ODR4: variants seen among roughly 807,000 people sequenced by gnomAD.
The protein encoded by ODR4 is protein odr-4 homolog.
A neutral mutation model predicts 60.2 loss-of-function variants in ODR4; 47 were observed. The observed-to-expected ratio is 0.78, with a 90% confidence interval of 0.62 to 1.00. The LOEUF (loss-of-function observed/expected upper bound fraction) is 1.00, where lower values mean the gene tolerates loss of function less well. ODR4 is among the 50% of genes least tolerant of loss of function. The pLI is 0.00. For synonymous variants in ODR4, 178 were observed against 175.5 expected (o/e 1.01, Z -0.11); for missense variants, 488 against 530.8 (o/e 0.92, Z 0.79).
chr1:186,397,819 T>G (rs1660761485), intron 9 of ODR4, among the ~76,000 whole-genome samples: 1 of 152,230 alleles, frequency 6.6e-6, no homozygotes, highest in African/African-American at 2.4e-5. Context: ...AGGATGGGAC[T>G]AGTCTATGAA....
At chr1:186,396,949 A>G (rs1660705972) in intron 9 of ODR4, among the ~76,000 whole-genome samples, 1 of 152,152 alleles carries the variant, frequency 6.6e-6, no homozygotes, top group South Asian at 2.1e-4. Context: ...CACCTTATTG[A>G]TGTATCAATG....
At chr1:186,391,271 T>C (rs1469537546) in intron 7 of ODR4, among the ~76,000 whole-genome samples, 2 of 151,986 alleles carry the variant, frequency 1.3e-5, no homozygotes, top group African/African-American at 2.4e-5. Flanking sequence ...TCCAGTTCTT[T>C]TTTGTATTTC....
chr1:186,415,540 G>T lies in ODR4; in HGVS notation c.1187-2004G>T, dbSNP rs16825325. On this transcript the variant is annotated intron_variant, in intron 12 of 13. Transcript: ENST00000287859. ...ATCTAGTTCCCTGGAGTTCTATAGA[G>T]TAGCATTCTAATGTCACCTCTAGGA... Among the ~76,000 whole-genome samples, 688 of 152,246 alleles carry T rather than the reference G, an allele frequency of 4.5e-3. 6 individuals carry two copies. The highest frequency in any genetic ancestry group is 0.016 in the African/African-American group (654 of 41,546).
intron 1 of ODR4, among the ~76,000 whole-genome samples, chr1:186,378,555 C>T (rs1470195942): frequency 6.6e-6 from 1 of 152,102 alleles, no homozygotes; most frequent in African/African-American, 2.4e-5. Flanking sequence ...CATCCACAGA[C>T]CAGAGGGAAA....
At chr1:186,390,997 A>G in intron 7 of ODR4, 146 bp downstream of exon 7, 1 of 848,820 alleles carries the variant, frequency 1.2e-6, no homozygotes. Flanking sequence ...TACCGCAGCC[A>G]AATTAGAAAT....
At chr1:186,378,049 AAC>A (rs1306689611) in intron 1 of ODR4, among the ~76,000 whole-genome samples, 1 of 91,936 alleles carries the variant, frequency 1.1e-5, no homozygotes, top group East Asian at 3.3e-4. Context: ...CATCTCAAAA[AAC>A]AAAAAAAAAA....
chr1:186,417,208 C>T (rs1205951125), intron 12 of ODR4, among the ~76,000 whole-genome samples: 1 of 152,160 alleles, frequency 6.6e-6, no homozygotes, highest in Non-Finnish European at 1.5e-5. Context: ...GGCACTCTGC[C>T]TGCCTCAGCC....
intron 12 of ODR4, among the ~76,000 whole-genome samples, chr1:186,415,469 G>T (rs1661529921): frequency 6.6e-6 from 1 of 151,920 alleles, no homozygotes; most frequent in East Asian, 1.9e-4. Flanking sequence ...TTTTTTGTGG[G>T]GGTGAGGGTA....
At chr1:186,406,928 T>C (rs1444973220) in intron 12 of ODR4, among the ~76,000 whole-genome samples, 1 of 152,188 alleles carries the variant, frequency 6.6e-6, no homozygotes, top group Non-Finnish European at 1.5e-5. Context: ...TAAATAAATA[T>C]GTAAGTTCCT....
rs34199191 is a variant in ODR4 at position 186,413,284 on chromosome 1, GA to G, written c.1187-4250del. Among the ~76,000 whole-genome samples, 31 of 147,590 alleles carry G rather than the reference GA, an allele frequency of 2.1e-4. No individual in the cohort carries two copies. In the East Asian group the frequency reaches 4.1e-3, roughly 20 times the overall value. On this transcript the variant is annotated intron_variant, in intron 12 of 13. Coordinates refer to ENST00000287859, the MANE Select transcript of ODR4 (RefSeq NM_017847.6). ...GTATAATGCAAATAATCCAAAATTT[GA>G]AAAAAAAAATCATTTCAGGTAAAGG... is the stretch of plus-strand genomic sequence containing the variant.
chr1:186,418,661 G>A (rs555883144), intron 13 of ODR4, among the ~76,000 whole-genome samples: 3 of 152,236 alleles, frequency 2.0e-5, no homozygotes, highest in Admixed American at 1.3e-4. Flanking sequence ...TGGAGCTGCC[G>A]TTTTCTTTTA....
Position 186,410,065 on chromosome 1 carries a change from A to G in ODR4, c.1186+3797A>G, listed in dbSNP as rs139137447. On this transcript the variant is annotated intron_variant, in intron 12 of 13. Transcript: ENST00000287859. ...TAAGATTTTTGAGAGTAAGTAGAGT[A>G]TTTATCTGTACCTAAAACATGGTAG... Among the ~76,000 whole-genome samples, 24 of 152,340 alleles carry G rather than the reference A, an allele frequency of 1.6e-4. No homozygotes were observed. In the East Asian group the frequency reaches 4.6e-3, roughly 29 times the overall value.
intron 10 of ODR4, 31 bp from the exon 11 acceptor site, chr1:186,398,923 T>C (rs371690572): frequency 4.8e-5 from 70 of 1,463,624 alleles, no homozygotes; most frequent in East Asian, 1.8e-4. Context: ...TTTTATTTCT[T>C]ACTGTGTTTT....
At chr1:186,399,990 CTTTTTTTTTTTTT>C (rs948511178) in intron 11 of ODR4, among the ~76,000 whole-genome samples, 4 of 112,044 alleles carry the variant, frequency 3.6e-5, no homozygotes, top group African/African-American at 1.1e-4. Flanking sequence ...TTTTTTTTTT[CTTTTTTTTTTTTT>C]TTTTTTGAGA....
chr1:186,419,567 G>A lies in ODR4; in HGVS notation c.*491G>A, dbSNP rs1463587848. 1 of 155,152 alleles carries A rather than the reference G, an allele frequency of 6.4e-6. No individual in the cohort carries two copies. Among genetic ancestry groups the A allele is most frequent in the Non-Finnish European group, 1.4e-5 (1 of 70,054 alleles). The allele number at this position is 155,152 out of a possible 1,614,324, so 9.6% of individuals were successfully genotyped here. On this transcript the variant is annotated 3_prime_UTR_variant, in exon 14 of 14. Transcript: ENST00000287859. ...TCTCTACTGGAAAAAAAAAAAATTA[G>A]CTGGACATGGTGGCAATCAGCTCTA...
intron 3 of ODR4, among the ~76,000 whole-genome samples, chr1:186,385,659 A>G (rs890061464): frequency 6.6e-6 from 1 of 152,158 alleles, no homozygotes; most frequent in Admixed American, 6.6e-5. Flanking sequence ...TTTTTGACAA[A>G]TATTTGAATT....
intron 12 of ODR4, 143 bp from the exon 13 acceptor site, chr1:186,417,401 T>A: frequency 1.6e-6 from 1 of 628,910 alleles, no homozygotes; most frequent in East Asian, 2.9e-5. Flanking sequence ...CAATTGATAA[T>A]GAACAAATTC....
At chr1:186,383,507 G>T (rs917535646) in intron 3 of ODR4, among the ~76,000 whole-genome samples, 1 of 152,074 alleles carries the variant, frequency 6.6e-6, no homozygotes, top group African/African-American at 2.4e-5. Context: ...AATAGGTGCA[G>T]CAAGCCACCA....
At chr1:186,399,786 A>G (rs931793500) in intron 11 of ODR4, among the ~76,000 whole-genome samples, 4 of 152,070 alleles carry the variant, frequency 2.6e-5, no homozygotes, top group African/African-American at 9.7e-5. Context: ...CTTCTCAGCT[A>G]TTACTCTAAC....
Sources: allele counts gnomAD v4.1 joint callset (sites outside exome capture counted in the v4.1 genomes callset), GRCh38; gene constraint gnomAD v4.1.1; transcripts MANE v1.5; gene names NCBI Gene and HGNC (gene_info 2026-07-23, HGNC 2026-07-21).